TENM4: variants seen among roughly 807,000 people sequenced by gnomAD.
TENM4 encodes teneurin transmembrane protein 4.
TENM4 carries 82 observed loss-of-function variants against 243.3 expected under a neutral mutation model. The ratio of observed to expected loss-of-function variants is 0.34; its 90% CI spans 0.28 to 0.40. The LOEUF is 0.40. Among genes scored for constraint, TENM4 ranks in the 10% least tolerant of loss-of-function variants. The probability of loss-of-function intolerance (pLI) is 1.00; values close to 1 mark genes in which losing one functional copy is unlikely to be tolerated. For synonymous variants in TENM4, 1,412 were observed against 1,456.3 expected, an observed-to-expected ratio of 0.97 and a Z score of 0.69; for missense variants, 3,138 against 3,673.3, an observed-to-expected ratio of 0.85 and a Z score of 3.77.
intron 15 of TENM4, among the ~76,000 whole-genome samples, chr11:78,791,899 TGGAGGAGGGCTGGGGTCTGGG>T (rs1565380690): frequency 4.6e-5 from 7 of 152,134 alleles, no homozygotes; most frequent in Admixed American, 3.9e-4. Flanking sequence ...TCTGAATTAA[TGGAGGAGGGCTGGGGTCTGGG>T]AGGAATCTTT....
At chr11:78,785,171 G>GGC (rs1856910573) in intron 16 of TENM4, among the ~76,000 whole-genome samples, 2 of 152,046 alleles carry the variant, frequency 1.3e-5, no homozygotes. Context: ...GGAAAGCAGA[G>GGC]TTTAAAGAAG....
At position 78,863,131 on chromosome 11, in the gene TENM4, G is replaced by A; in HGVS notation, c.1086C>T (p.Ala362=). Residue 362 remains alanine, a splice_region_variant and synonymous_variant, in exon 10 of 34, where the codon GCC becomes GCT. Coordinates refer to ENST00000278550, the MANE Select transcript of TENM4 (RefSeq NM_001098816.3). ...TLVILLAYFV[A]MHLFGLNWHL... is the part of the protein sequence containing the mutation. ...GCCAGTTTAGGCCAAACAGGTGCAT[G>A]GCTGTGGTGAGCAATGAGAAAAGTC... The A allele has an allele frequency of 1.3e-6, 2 of 1,496,430 alleles. No homozygotes were observed. Among genetic ancestry groups the A allele is most frequent in the South Asian group, 2.5e-5 (2 of 79,086 alleles). 92.7% of individuals were successfully genotyped at this position (1,496,430 alleles called of 1,614,324 possible).
Position 79,082,942 on chromosome 11 carries a change from CT to C in TENM4, c.-65-12934del, listed in dbSNP as rs558694553. ...TTCCAGCAGCTGGGTGGCCAGGCAA[CT>C]TTTATTTCAATAATTAGCCGCTGTA... On this transcript the variant is annotated intron_variant, in intron 4 of 33. Transcript: ENST00000278550. 7.9e-5 allele frequency among the ~76,000 whole-genome samples: 12 copies of C among 152,246 alleles called. No individual in the cohort carries two copies. In the East Asian group the frequency reaches 2.1e-3, roughly 27 times the overall value.
chr11:79,088,491 A>G lies in TENM4; in HGVS notation c.-65-18482T>C, dbSNP rs115026128. On this transcript the variant is annotated intron_variant, in intron 4 of 33. Transcript: ENST00000278550. ...TTCGACTCCCAGCTCTGTGCGCCCC[A>G]GCTGTGTGCCAGGCACAATTCACTT... Among the ~76,000 whole-genome samples, 1,057 of 152,306 alleles carry G rather than the reference A, an allele frequency of 6.9e-3. 13 individuals are homozygous for G. Among genetic ancestry groups the G allele is most frequent in the African/African-American group, 0.024 (1,017 of 41,566 alleles).
intron 1 of TENM4, among the ~76,000 whole-genome samples, chr11:79,330,323 G>A (rs538230206): frequency 1.3e-5 from 2 of 152,294 alleles, no homozygotes; most frequent in Non-Finnish European, 2.9e-5. Context: ...CTAGGACTGG[G>A]ACTTGAGTGA....
chr11:79,248,761 T>A (rs1000461792), intron 2 of TENM4, among the ~76,000 whole-genome samples: 1 of 143,472 alleles, frequency 7.0e-6, no homozygotes, highest in Non-Finnish European at 1.5e-5. Context: ...TATGGTCAAC[T>A]TTTTCTGCAG....
At position 79,307,800 on chromosome 11, in the gene TENM4, C is replaced by G. The variant is rs511548; in HGVS notation, c.-320-10257G>C. Among the ~76,000 whole-genome samples, 1,204 of 151,836 alleles carry G rather than the reference C, an allele frequency of 7.9e-3. 9 individuals carry two copies. Among genetic ancestry groups the G allele is most frequent in the Non-Finnish European group, 0.014 (920 of 67,870 alleles). On this transcript the variant is annotated intron_variant, in intron 1 of 33. Coordinates refer to ENST00000278550, the MANE Select transcript of TENM4 (RefSeq NM_001098816.3). The stretch of plus-strand genomic sequence containing the variant: ...GGCCCCCCAGATCCAAGATTCCCCA[C>G]CAAGGATCTTCCAGGTGGGGAGGAT...
intron 1 of TENM4, among the ~76,000 whole-genome samples, chr11:79,428,266 G>A (rs1187319669): frequency 6.6e-6 from 1 of 152,220 alleles, no homozygotes; most frequent in East Asian, 1.9e-4. Flanking sequence ...TCCCCAGTTT[G>A]AGGTGGGTTT....
intron 3 of TENM4, among the ~76,000 whole-genome samples, chr11:79,151,017 C>G (rs140641870): frequency 1.3e-5 from 2 of 152,092 alleles, no homozygotes; most frequent in African/African-American, 4.8e-5. Flanking sequence ...TGTGGCAGAA[C>G]AGGGATTCAA....
intron 1 of TENM4, among the ~76,000 whole-genome samples, chr11:79,328,300 C>T (rs1376862243): frequency 6.6e-6 from 1 of 152,176 alleles, no homozygotes; most frequent in Admixed American, 6.5e-5. Flanking sequence ...AAGAAAGTGG[C>T]AGGTCTTAAA....
chr11:79,191,509 C>T (rs907081477), intron 3 of TENM4: 11 of 157,312 alleles, frequency 7.0e-5, no homozygotes, highest in East Asian at 4.0e-4. Context: ...TGCCTTGGCC[C>T]CCCAAAGTGC....
At chr11:78,816,942 C>T (rs1857617659) in intron 12 of TENM4, among the ~76,000 whole-genome samples, 1 of 152,196 alleles carries the variant, frequency 6.6e-6, no homozygotes, top group Non-Finnish European at 1.5e-5. Context: ...AAAGCAACTT[C>T]CTTCCCCTCT....
chr11:79,320,717 AATG>A (rs1481200318), intron 1 of TENM4, among the ~76,000 whole-genome samples: 1 of 152,236 alleles, frequency 6.6e-6, no homozygotes, highest in Admixed American at 6.5e-5. Context: ...CTGTGCCGAT[AATG>A]ATGATAAGAA....
At chr11:78,663,684 T>C (rs1052223764) in intron 32 of TENM4, among the ~76,000 whole-genome samples, 2 of 152,162 alleles carry the variant, frequency 1.3e-5, no homozygotes, top group Non-Finnish European at 2.9e-5. Context: ...AAATTACCCA[T>C]GAGCCTCTTT....
At chr11:79,046,118 T>C (rs1174556478) in intron 6 of TENM4, among the ~76,000 whole-genome samples, 3 of 152,216 alleles carry the variant, frequency 2.0e-5, no homozygotes, top group Non-Finnish European at 4.4e-5. Context: ...GGCAGGAATC[T>C]TCCCTGTGGC....
chr11:79,260,012 T>C (rs1855769331), intron 2 of TENM4, among the ~76,000 whole-genome samples: 1 of 152,292 alleles, frequency 6.6e-6, no homozygotes, highest in Non-Finnish European at 1.5e-5. Context: ...CACTGCCACC[T>C]GGAGGGCTGT....
At chr11:79,094,942 A>C (rs994467855) in intron 4 of TENM4, among the ~76,000 whole-genome samples, 11 of 152,324 alleles carry the variant, frequency 7.2e-5, no homozygotes, top group South Asian at 4.1e-4. Context: ...GAGATGTGTC[A>C]AAGGATCTGA....
intron 3 of TENM4, chr11:79,191,857 C>T (rs891318189): frequency 2.7e-5 from 5 of 185,630 alleles, no homozygotes; most frequent in African/African-American, 1.2e-4. Flanking sequence ...CTGGCAACCG[C>T]CCCGTCTGAG....
intron 4 of TENM4, among the ~76,000 whole-genome samples, chr11:79,082,558 AC>A (rs1039766163): frequency 7.4e-6 from 1 of 134,664 alleles, no homozygotes; most frequent in Non-Finnish European, 1.7e-5. Flanking sequence ...CTGCCCTGAT[AC>A]CCCAGAAAAA....
Sources: allele counts gnomAD v4.1 joint callset (sites outside exome capture counted in the v4.1 genomes callset), GRCh38; gene constraint gnomAD v4.1.1; transcripts MANE v1.5; gene names NCBI Gene and HGNC (gene_info 2026-07-23, HGNC 2026-07-21).